WWOX: variants seen among roughly 807,000 people sequenced by gnomAD.
The protein encoded by WWOX is WW domain-containing oxidoreductase.
In WWOX, 69 loss-of-function variants were observed where a neutral mutation model predicts 46.2. That is an observed-to-expected ratio of 1.49 (90% CI 1.23 to 1.82). WWOX has a LOEUF of 1.82. WWOX is among the 40% of genes most tolerant of loss of function. The pLI is 0.00. For missense variants in WWOX, 919 were observed against 542.6 expected (o/e 1.69, Z -6.89); for synonymous variants, 359 against 202.6 (o/e 1.77, Z -6.56).
At chr16:78,979,122 T>C (rs908312337) in intron 8 of WWOX, among the ~76,000 whole-genome samples, 4 of 149,988 alleles carry the variant, frequency 2.7e-5, no homozygotes, top group African/African-American at 9.9e-5. Flanking sequence ...ACAGGAAGTA[T>C]ATATTTTCCT....
intron 8 of WWOX, among the ~76,000 whole-genome samples, chr16:78,690,738 T>A (rs1054548312): frequency 1.3e-5 from 2 of 152,196 alleles, no homozygotes; most frequent in Non-Finnish European, 2.9e-5. Context: ...TGAATAAACT[T>A]CTACCATTAA....
intron 8 of WWOX, among the ~76,000 whole-genome samples, chr16:78,535,962 C>G (rs1262676885): frequency 2.0e-5 from 3 of 152,140 alleles, no homozygotes; most frequent in Non-Finnish European, 4.4e-5. Flanking sequence ...TGCATAGCAC[C>G]TGATACACAC....
intron 8 of WWOX, among the ~76,000 whole-genome samples, chr16:78,712,427 A>G (rs778434864): frequency 3.3e-5 from 5 of 151,920 alleles, no homozygotes; most frequent in Non-Finnish European, 7.4e-5. Context: ...GCTTGAACCC[A>G]GGAGGCGGAG....
chr16:78,810,619 C>G (rs1418649711), intron 8 of WWOX, among the ~76,000 whole-genome samples: 5 of 152,212 alleles, frequency 3.3e-5, no homozygotes, highest in Non-Finnish European at 7.3e-5. Flanking sequence ...TATTTTACCT[C>G]CCATTATTTC....
At chr16:78,580,168 A>G (rs901457762) in intron 8 of WWOX, among the ~76,000 whole-genome samples, 16 of 151,682 alleles carry the variant, frequency 1.1e-4, no homozygotes, top group Non-Finnish European at 1.6e-4. Flanking sequence ...CCACCTCCCA[A>G]GTTCAAGTGA....
chr16:79,173,167 C>G (rs2050734325), intron 8 of WWOX, among the ~76,000 whole-genome samples: 1 of 152,206 alleles, frequency 6.6e-6, no homozygotes, highest in African/African-American at 2.4e-5. Context: ...GGGCCTGTGT[C>G]CATAGGCATC....
At chr16:78,648,920 T>A (rs143790868) in intron 8 of WWOX, among the ~76,000 whole-genome samples, 1 of 152,196 alleles carries the variant, frequency 6.6e-6, no homozygotes, top group Non-Finnish European at 1.5e-5. Flanking sequence ...TTTTCCCACA[T>A]GGCTTTTCCT....
At chr16:78,808,223 C>T (rs1216188868) in intron 8 of WWOX, among the ~76,000 whole-genome samples, 8 of 152,152 alleles carry the variant, frequency 5.3e-5, no homozygotes, top group African/African-American at 1.4e-4. Context: ...CCTGTGATAC[C>T]CATAGGGACC....
At chr16:78,866,143 C>T (rs933326689) in intron 8 of WWOX, among the ~76,000 whole-genome samples, 1 of 152,128 alleles carries the variant, frequency 6.6e-6, no homozygotes, top group African/African-American at 2.4e-5. Context: ...ATAGATTTCC[C>T]ATCTAGCTCC....
intron 4 of WWOX, among the ~76,000 whole-genome samples, chr16:78,161,014 C>T (rs1266534042): frequency 6.6e-6 from 1 of 151,870 alleles, no homozygotes; most frequent in Non-Finnish European, 1.5e-5. Flanking sequence ...TGAAATTTAC[C>T]ATTGTGAAAT....
intron 8 of WWOX, among the ~76,000 whole-genome samples, chr16:78,479,369 C>A (rs1045832724): frequency 1.3e-5 from 2 of 152,168 alleles, no homozygotes; most frequent in Non-Finnish European, 2.9e-5. Context: ...AGACCTAACT[C>A]AGCCTGAGAG....
chr16:79,105,599 T>G (rs2049291968), intron 8 of WWOX, among the ~76,000 whole-genome samples: 1 of 152,298 alleles, frequency 6.6e-6, no homozygotes, highest in East Asian at 1.9e-4. Flanking sequence ...AACAATTATA[T>G]TGTACACAGT....
intron 8 of WWOX, among the ~76,000 whole-genome samples, chr16:78,795,413 C>G (rs903367406): frequency 6.6e-6 from 1 of 152,068 alleles, no homozygotes; most frequent in Non-Finnish European, 1.5e-5. Flanking sequence ...AAAGGAGATC[C>G]TTGAATTGGG....
chr16:78,636,274 T>C (rs770101643), intron 8 of WWOX, among the ~76,000 whole-genome samples: 6 of 152,176 alleles, frequency 3.9e-5, no homozygotes, highest in Non-Finnish European at 8.8e-5. Context: ...GCAAACCTAC[T>C]GTGTGTCAAT....
In WWOX at chr16:78,389,552, C is replaced by T. The variant is rs190710565; in HGVS notation, c.605+2604C>T. 3.3e-5 allele frequency among the ~76,000 whole-genome samples: 5 copies of T among 152,230 alleles called. No individual in the cohort carries two copies. The East Asian group carries it at 9.7e-4, about 29-fold the overall frequency. On this transcript the variant is annotated intron_variant, in intron 6 of 8. Coordinates refer to ENST00000566780, the MANE Select transcript of WWOX (RefSeq NM_016373.4). ...TGGGCCATACGTGGAAAATATTTTG[C>T]ATGTATGTTTTGATTCAATTCTCAA... is the stretch of plus-strand genomic sequence containing the variant.
chr16:78,860,310 C>G (rs2052685876), intron 8 of WWOX, among the ~76,000 whole-genome samples: 1 of 152,178 alleles, frequency 6.6e-6, no homozygotes, highest in African/African-American at 2.4e-5. Context: ...TGGCCTACTT[C>G]TGTGAAGGTA....
intron 6 of WWOX, among the ~76,000 whole-genome samples, chr16:78,422,808 C>CAT (rs1178239978): frequency 2.6e-5 from 3 of 117,052 alleles, no homozygotes; most frequent in African/African-American, 1.6e-4. Context: ...TATATACACA[C>CAT]ACATATATAT....
chr16:78,670,479 G>A (rs1043243424), intron 8 of WWOX, among the ~76,000 whole-genome samples: 1 of 152,070 alleles, frequency 6.6e-6, no homozygotes, highest in African/African-American at 2.4e-5. Context: ...AGTGGTGTGT[G>A]ATCGGAAATC....
intron 5 of WWOX, among the ~76,000 whole-genome samples, chr16:78,294,872 A>G (rs1210821467): frequency 6.9e-6 from 1 of 145,296 alleles, no homozygotes; most frequent in East Asian, 2.2e-4. Context: ...CAAATGAATG[A>G]ATGAATGGAC....
Sources: allele counts gnomAD v4.1 joint callset (sites outside exome capture counted in the v4.1 genomes callset), GRCh38; gene constraint gnomAD v4.1.1; transcripts MANE v1.5; gene names NCBI Gene and HGNC (gene_info 2026-07-23, HGNC 2026-07-21).